INVS: variants seen among roughly 807,000 people sequenced by gnomAD.
The protein encoded by INVS is inversion of embryo turning homolog.
A neutral mutation model predicts 108.8 loss-of-function variants in INVS; 86 were observed. The ratio of observed to expected loss-of-function variants is 0.79; its 90% CI spans 0.66 to 0.95. INVS has a LOEUF of 0.95. INVS is among the 40% of genes least tolerant of loss of function. The pLI, the probability that INVS is intolerant of heterozygous loss-of-function variation, is 0.00. For synonymous variants in INVS, 455 were observed against 473.5 expected (o/e 0.96, Z 0.51); for missense variants, 1,169 against 1,297.4 (o/e 0.90, Z 1.52).
chr9:100,203,861 G>A (rs1002576905), intron 3 of INVS, among the ~76,000 whole-genome samples: 1 of 152,074 alleles, frequency 6.6e-6, no homozygotes, highest in African/African-American at 2.4e-5. Flanking sequence ...GATAAGTGTA[G>A]GAACTACTGC....
intron 3 of INVS, among the ~76,000 whole-genome samples, chr9:100,223,589 G>T (rs1404368353): frequency 1.3e-5 from 2 of 152,164 alleles, no homozygotes; most frequent in Admixed American, 1.3e-4. Context: ...TCACACTGAA[G>T]AGAAACAAAC....
chr9:100,251,958 T>C (rs1265899721), intron 8 of INVS, among the ~76,000 whole-genome samples: 1 of 152,078 alleles, frequency 6.6e-6, no homozygotes, highest in Non-Finnish European at 1.5e-5. Flanking sequence ...GTTTTCTTGC[T>C]CTCTTAAAGA....
chr9:100,204,086 TTCC>T (rs1178468991), intron 3 of INVS, among the ~76,000 whole-genome samples: 1 of 152,162 alleles, frequency 6.6e-6, no homozygotes, highest in African/African-American at 2.4e-5. Flanking sequence ...TTAAATGAAT[TTCC>T]TCATTTCACA....
intron 3 of INVS, among the ~76,000 whole-genome samples, chr9:100,167,599 C>A (rs963807559): frequency 6.6e-6 from 1 of 152,162 alleles, no homozygotes; most frequent in African/African-American, 2.4e-5. Context: ...TGCTTTATGT[C>A]TTTTCTTAGC....
chr9:100,298,254 C>A (rs1833849392), intron 16 of INVS: 2 of 1,384,308 alleles, frequency 1.4e-6, no homozygotes, highest in Non-Finnish European at 9.4e-7. Flanking sequence ...TATTATTGAT[C>A]ACTTTTACAC....
At chr9:100,188,639 T>C (rs1285476977) in intron 3 of INVS, among the ~76,000 whole-genome samples, 4 of 150,782 alleles carry the variant, frequency 2.7e-5, no homozygotes, top group African/African-American at 9.7e-5. Context: ...TTCTTTCTTT[T>C]TTTTTTTTTT....
chr9:100,117,830 A>G (rs1020913362), intron 2 of INVS, among the ~76,000 whole-genome samples: 2 of 152,006 alleles, frequency 1.3e-5, no homozygotes, highest in African/African-American at 4.8e-5. Context: ...TCTTTGGGAG[A>G]TAATTTAAGT....
At chr9:100,294,538 C>T (rs1167717554) in intron 14 of INVS, among the ~76,000 whole-genome samples, 1 of 152,206 alleles carries the variant, frequency 6.6e-6, no homozygotes, top group East Asian at 1.9e-4. Context: ...AGGAAGCCAT[C>T]ATGACAGGGA....
intron 3 of INVS, among the ~76,000 whole-genome samples, chr9:100,151,104 A>T (rs1411043424): frequency 2.0e-5 from 3 of 152,184 alleles, no homozygotes; most frequent in Non-Finnish European, 2.9e-5. Flanking sequence ...CACCTGAGGG[A>T]AGAGCATTCA....
intron 10 of INVS, among the ~76,000 whole-genome samples, chr9:100,253,350 T>C: frequency 6.6e-6 from 1 of 152,216 alleles, no homozygotes; most frequent in South Asian, 2.1e-4. Flanking sequence ...AATAATTTTA[T>C]AACTTTTATA....
intron 6 of INVS, 146 bp downstream of exon 6, chr9:100,240,386 A>T: frequency 6.1e-6 from 3 of 491,606 alleles, no homozygotes; most frequent in South Asian, 3.8e-5. Context: ...AAACTAAATT[A>T]TAGTAATATA....
At chr9:100,152,028 G>A (rs185472545) in intron 3 of INVS, among the ~76,000 whole-genome samples, 80 of 152,288 alleles carry the variant, frequency 5.3e-4, no homozygotes, top group Admixed American at 2.0e-3. Flanking sequence ...CCCAAAGGCA[G>A]CATCTTATTG....
chr9:100,117,518 C>T, intron 2 of INVS: 7 of 933,872 alleles, frequency 7.5e-6, no homozygotes, highest in Non-Finnish European at 1.2e-5. Context: ...CCGTCCACGG[C>T]CGCAACCCCG....
intron 16 of INVS, among the ~76,000 whole-genome samples, chr9:100,300,016 A>T (rs1833916559): frequency 6.6e-6 from 1 of 152,260 alleles, no homozygotes; most frequent in African/African-American, 2.4e-5. Flanking sequence ...CAATGTCTTC[A>T]GCAAGGTTTC....
intron 3 of INVS, among the ~76,000 whole-genome samples, chr9:100,154,580 A>G (rs919478709): frequency 6.6e-6 from 1 of 152,050 alleles, no homozygotes; most frequent in South Asian, 2.1e-4. Context: ...ATATAACATT[A>G]TAAAATGATC....
At chr9:100,269,097 C>T (rs913057237) in intron 11 of INVS, among the ~76,000 whole-genome samples, 5 of 152,146 alleles carry the variant, frequency 3.3e-5, no homozygotes, top group African/African-American at 1.2e-4. Flanking sequence ...AGGAAACATA[C>T]TAAGTAATTG....
At chr9:100,122,806 G>C (rs959793699) in intron 2 of INVS, among the ~76,000 whole-genome samples, 1 of 151,584 alleles carries the variant, frequency 6.6e-6, no homozygotes, top group Non-Finnish European at 1.5e-5. Flanking sequence ...GGATGGTCTC[G>C]ATCTCCTGAC....
chr9:100,134,167 A>C (rs1828147958), intron 3 of INVS, among the ~76,000 whole-genome samples: 1 of 152,026 alleles, frequency 6.6e-6, no homozygotes, highest in African/African-American at 2.4e-5. Context: ...CTTAGCTCCC[A>C]CATATCAGTG....
At chr9:100,139,181 G>A (rs1023942667) in intron 3 of INVS, among the ~76,000 whole-genome samples, 7 of 151,944 alleles carry the variant, frequency 4.6e-5, no homozygotes, top group African/African-American at 1.5e-4. Context: ...ATTTACCTAG[G>A]CTTACTCTTT....
Sources: allele counts gnomAD v4.1 joint callset (sites outside exome capture counted in the v4.1 genomes callset), GRCh38; gene constraint gnomAD v4.1.1; transcripts MANE v1.5; gene names NCBI Gene and HGNC (gene_info 2026-07-23, HGNC 2026-07-21).